The following CLNK variants were observed in gnomAD, a reference collection of about 807,000 sequenced individuals.
The protein encoded by CLNK is cytokine dependent hematopoietic cell linker.
In CLNK, 74 loss-of-function variants were observed where a neutral mutation model predicts 68.6. That is an observed-to-expected ratio of 1.08 (90% CI 0.89 to 1.31). The LOEUF (loss-of-function observed/expected upper bound fraction) is 1.31. CLNK is among the 50% of genes most tolerant of loss of function. The pLI, the probability that CLNK is intolerant of heterozygous loss-of-function variation, is 0.00. For missense variants in CLNK, 553 were observed against 515.3 expected (o/e 1.07, Z -0.71); for synonymous variants, 198 against 172.2 (o/e 1.15, Z -1.17).
At position 10,514,973 on chromosome 4, in the gene CLNK, A is replaced by G. The variant is rs533637908; in HGVS notation, c.773-1376T>C. 8.5e-5 allele frequency among the ~76,000 whole-genome samples: 13 copies of G among 152,364 alleles called. No individual in the cohort carries two copies. In the Middle Eastern group the frequency reaches 0.01, roughly 120 times the overall value. The stretch of plus-strand genomic sequence containing the variant: ...AATTCTGGGCCGGGTGTGGTGGCTC[A>G]TGCCTGTAATCCCAGCACTTCGGGA... On this transcript the variant is annotated intron_variant, in intron 15 of 18. Coordinates refer to ENST00000226951, the MANE Select transcript of CLNK (RefSeq NM_052964.4).
chr4:10,687,687 A>G (rs1725316104), upstream of CLNK, among the ~76,000 whole-genome samples: 1 of 152,158 alleles, frequency 6.6e-6, no homozygotes, highest in Non-Finnish European at 1.5e-5. Context: ...GGAGCAAGGA[A>G]GAGCGTGACA....
chr4:10,645,020 C>G (rs571712236), intron 2 of CLNK, among the ~76,000 whole-genome samples: 2 of 152,348 alleles, frequency 1.3e-5, no homozygotes, highest in African/African-American at 4.8e-5. Flanking sequence ...CTTGCACATA[C>G]TGTTTGCTCT....
chr4:10,688,123 A>G (rs980033261), upstream of CLNK, among the ~76,000 whole-genome samples: 7 of 152,216 alleles, frequency 4.6e-5, no homozygotes, highest in African/African-American at 1.7e-4. Flanking sequence ...GTGCCTGGCT[A>G]TAATTAGCAT....
At position 10,558,462 on chromosome 4, in the gene CLNK, A is replaced by G. The variant is rs535701878; in HGVS notation, c.400-10T>C. 19 of 1,612,960 alleles carry G rather than the reference A, an allele frequency of 1.2e-5. No homozygotes were observed. The South Asian group carries it at 1.9e-4, about 16-fold the overall frequency. On this transcript the variant is annotated splice_polypyrimidine_tract_variant and intron_variant, in intron 7 of 18. Transcript: ENST00000226951. ...AAATGGGTTTGTCCACCTGTACAAG[A>G]CAATGAGGCACCATTATCTCTTCAG...
Position 10,682,527 on chromosome 4 carries a change from C to T in CLNK, c.-43+2141G>A, listed in dbSNP as rs1016326186. On this transcript the variant is annotated intron_variant, in intron 1 of 18. Coordinates refer to ENST00000226951, the MANE Select transcript of CLNK (RefSeq NM_052964.4). ...GTGTCAGACACTGTGTGCACATTTGCTCTCACTCTCGAAGCAACACACAAA... is the reference window on the plus strand; with the variant it reads ...GTGTCAGACACTGTGTGCACATTTGTTCTCACTCTCGAAGCAACACACAAA... Among the ~76,000 whole-genome samples the T allele has an allele frequency of 9.2e-5, 14 of 152,304 alleles. No homozygotes were observed. The East Asian group carries it at 9.6e-4, about 10-fold the overall frequency.
intron 2 of CLNK, among the ~76,000 whole-genome samples, chr4:10,646,368 T>C (rs148697480): frequency 1.3e-5 from 2 of 152,330 alleles, no homozygotes; most frequent in Admixed American, 1.3e-4. Context: ...TATTTTTAAA[T>C]CCAGAGAGCT....
rs562476645 is a variant in CLNK, at chr4:10,677,244, A to T, written c.-43+7424T>A. Among the ~76,000 whole-genome samples, 7 of 152,078 alleles carry T rather than the reference A, an allele frequency of 4.6e-5. No homozygotes were observed. The East Asian group carries it at 7.7e-4, about 17-fold the overall frequency. ...ATAAGGGTGAAGATAGATCCAGTAA[A>T]CCCCACCATTCCCATGGACGTCTAA... On this transcript the variant is annotated intron_variant, in intron 1 of 18. Transcript: ENST00000226951.
At chr4:10,525,683 A>G (rs147079889) in intron 14 of CLNK, among the ~76,000 whole-genome samples, 158 bp downstream of exon 14, 61 of 152,336 alleles carry the variant, frequency 4.0e-4, no homozygotes, top group African/African-American at 1.3e-3. Context: ...ATTAACATCA[A>G]TAACAGCTGT....
At chr4:10,591,231 T>C (rs541421637) in intron 3 of CLNK, among the ~76,000 whole-genome samples, 1 of 152,290 alleles carries the variant, frequency 6.6e-6, no homozygotes, top group South Asian at 2.1e-4. Context: ...AGCATTGATT[T>C]GAGAGAGGAG....
intron 12 of CLNK, among the ~76,000 whole-genome samples, chr4:10,530,399 C>T (rs562724243): frequency 1.3e-5 from 2 of 152,334 alleles, no homozygotes; most frequent in East Asian, 3.9e-4. Flanking sequence ...AGCGCAGGCA[C>T]AAGCACAGCT....
intron 5 of CLNK, among the ~76,000 whole-genome samples, chr4:10,569,880 CT>C (rs1720272287): frequency 1.3e-5 from 2 of 152,290 alleles, no homozygotes; most frequent in South Asian, 4.1e-4. Context: ...CAAGTCTCTA[CT>C]TTGGTATCTA....
At chr4:10,650,322 G>A (rs1723675799) in intron 2 of CLNK, among the ~76,000 whole-genome samples, 1 of 151,960 alleles carries the variant, frequency 6.6e-6, no homozygotes, top group Non-Finnish European at 1.5e-5. Context: ...GAAAGAATGA[G>A]AGGAAAAAAT....
In CLNK at chr4:10,551,435, T is replaced by A. The variant is rs569813873; in HGVS notation, c.445+6972A>T. On this transcript the variant is annotated intron_variant, in intron 8 of 18. Transcript: ENST00000226951. The stretch of plus-strand genomic sequence containing the variant: ...AATTTTTTTGTATATATATATATTT[T>A]TTTTTAGTAGAGTTGGGGTTTTACC... Among the ~76,000 whole-genome samples, 325 of 151,104 alleles carry A rather than the reference T, an allele frequency of 2.2e-3. 2 individuals carry two copies. The highest frequency in any genetic ancestry group is 7.6e-3 in the African/African-American group (311 of 41,106).
upstream of CLNK, among the ~76,000 whole-genome samples, chr4:10,689,382 A>G (rs965091767): frequency 8.6e-5 from 13 of 152,042 alleles, no homozygotes; most frequent in African/African-American, 3.1e-4. Context: ...CAATCCTCCC[A>G]TTTAGGCCTC....
intron 17 of CLNK, among the ~76,000 whole-genome samples, chr4:10,506,633 G>C (rs1716754045): frequency 1.3e-5 from 2 of 152,110 alleles, no homozygotes; most frequent in South Asian, 4.1e-4. Flanking sequence ...CTTCTATTGT[G>C]ACCTCTATAG....
chr4:10,624,032 C>G (rs916338184), intron 2 of CLNK, among the ~76,000 whole-genome samples: 2 of 152,178 alleles, frequency 1.3e-5, no homozygotes, highest in Non-Finnish European at 2.9e-5. Flanking sequence ...GTCCCAGTGA[C>G]GGCAACAACC....
intron 2 of CLNK, among the ~76,000 whole-genome samples, chr4:10,611,508 A>AAAAC (rs1722021977): frequency 1.3e-5 from 2 of 151,446 alleles, no homozygotes; most frequent in African/African-American, 4.9e-5. Flanking sequence ...AAAAAAAAAA[A>AAAAC]AAATGTAGTG....
chr4:10,522,757 A>G (rs1178142757), intron 14 of CLNK, among the ~76,000 whole-genome samples: 1 of 152,220 alleles, frequency 6.6e-6, no homozygotes, highest in East Asian at 1.9e-4. Context: ...ATTATAATGT[A>G]GAATAAATGT....
At chr4:10,628,551 A>G (rs1426558581) in intron 2 of CLNK, among the ~76,000 whole-genome samples, 1 of 152,208 alleles carries the variant, frequency 6.6e-6, no homozygotes, top group Non-Finnish European at 1.5e-5. Context: ...AGAATAGAGC[A>G]GAAGATGAAA....
Sources: gnomAD v4.1 joint callset for allele counts (sites outside exome capture counted in the v4.1 genomes callset) on GRCh38, gnomAD v4.1.1 for gene constraint, MANE v1.5 for transcripts, NCBI Gene and HGNC (gene_info 2026-07-23, HGNC 2026-07-21) for gene names.